CTNND2: variants seen among roughly 807,000 people sequenced by gnomAD.
CTNND2 encodes the protein catenin delta 2, also known as catenin delta-2.
Under a neutral mutation model 144.4 loss-of-function variants are expected in CTNND2, and 22 were observed. That is an observed-to-expected ratio of 0.15 (90% confidence interval 0.11 to 0.22). CTNND2 has a LOEUF of 0.22. Ranked by LOEUF, CTNND2 falls within the 10% of genes least tolerant of loss-of-function variation. CTNND2 has a pLI of 1.00. For synonymous variants in CTNND2, 751 were observed against 695.6 expected (o/e 1.08, Z -1.25); for missense variants, 1,353 against 1,618.8 (o/e 0.84, Z 2.82).
At chr5:10,983,344 T>C (rs1325363716) in intron 20 of CTNND2, among the ~76,000 whole-genome samples, 3 of 152,150 alleles carry the variant, frequency 2.0e-5, no homozygotes, top group African/African-American at 4.8e-5. Flanking sequence ...CAGTGGGGTA[T>C]AAAACACTCT....
intron 2 of CTNND2, among the ~76,000 whole-genome samples, chr5:11,594,612 CATT>C (rs1054109722): frequency 6.6e-6 from 1 of 152,114 alleles, no homozygotes; most frequent in Non-Finnish European, 1.5e-5. Context: ...GCTGTGGTAT[CATT>C]AACTTTAAAA....
At chr5:11,440,996 G>A (rs1764210563) in intron 3 of CTNND2, among the ~76,000 whole-genome samples, 1 of 152,194 alleles carries the variant, frequency 6.6e-6, no homozygotes, top group African/African-American at 2.4e-5. Context: ...GATATTCATA[G>A]TTGCAGAAAG....
chr5:11,167,266 C>T (rs370353537), intron 11 of CTNND2, among the ~76,000 whole-genome samples: 1 of 152,218 alleles, frequency 6.6e-6, no homozygotes, highest in Non-Finnish European at 1.5e-5. Context: ...ACAGTTGCCA[C>T]ATAACGCTTC....
intron 11 of CTNND2, among the ~76,000 whole-genome samples, chr5:11,164,409 C>T (rs1273071674): frequency 6.6e-6 from 1 of 152,162 alleles, no homozygotes; most frequent in Non-Finnish European, 1.5e-5. Context: ...CATGATCAGG[C>T]CTTTCTCTAA....
intron 13 of CTNND2, among the ~76,000 whole-genome samples, chr5:11,112,512 C>T (rs561967163): frequency 6.6e-6 from 1 of 152,218 alleles, no homozygotes; most frequent in Non-Finnish European, 1.5e-5. Context: ...GTGAGACCCA[C>T]TTCAGACTGC....
intron 1 of CTNND2, among the ~76,000 whole-genome samples, chr5:11,809,638 T>C (rs974174735): frequency 2.6e-5 from 4 of 152,294 alleles, no homozygotes; most frequent in South Asian, 4.1e-4. Flanking sequence ...CGCCAAATAT[T>C]GATTTATCAC....
At chr5:11,252,403 A>G (rs1414205852) in intron 9 of CTNND2, among the ~76,000 whole-genome samples, 1 of 152,196 alleles carries the variant, frequency 6.6e-6, no homozygotes, top group Non-Finnish European at 1.5e-5. Context: ...TTCTATGTCT[A>G]TAGACAACTA....
At chr5:11,308,082 C>G (rs1191572821) in intron 9 of CTNND2, among the ~76,000 whole-genome samples, 1 of 152,214 alleles carries the variant, frequency 6.6e-6, no homozygotes, top group Non-Finnish European at 1.5e-5. Context: ...GACTTCCCAG[C>G]CTCCAGAACT....
intron 1 of CTNND2, among the ~76,000 whole-genome samples, chr5:11,895,336 T>C (rs1338595357): frequency 1.3e-5 from 2 of 152,214 alleles, no homozygotes; most frequent in Non-Finnish European, 2.9e-5. Context: ...ATGTGTGTTG[T>C]AATAGTGAAT....
At chr5:11,410,418 T>C (rs953747645) in intron 5 of CTNND2, among the ~76,000 whole-genome samples, 5 of 152,208 alleles carry the variant, frequency 3.3e-5, no homozygotes, top group African/African-American at 1.2e-4. Flanking sequence ...TCCTTATGTC[T>C]TCCTTTTGCA....
chr5:11,057,017 T>C (rs995815865), intron 16 of CTNND2, among the ~76,000 whole-genome samples: 2 of 152,192 alleles, frequency 1.3e-5, no homozygotes, highest in African/African-American at 4.8e-5. Flanking sequence ...TTGTGCTGCA[T>C]TGGTGTGACA....
chr5:11,208,088 C>T (rs966959029), intron 10 of CTNND2, among the ~76,000 whole-genome samples: 1 of 152,104 alleles, frequency 6.6e-6, no homozygotes, highest in South Asian at 2.1e-4. Context: ...AGAATATTAA[C>T]AGAAAATTAT....
At chr5:10,999,915 C>T (rs1032861405) in intron 18 of CTNND2, among the ~76,000 whole-genome samples, 2 of 152,326 alleles carry the variant, frequency 1.3e-5, no homozygotes, top group South Asian at 2.1e-4. Flanking sequence ...ATCGTCCATA[C>T]GGGCATTTCC....
chr5:11,875,558 G>A (rs540567996), intron 1 of CTNND2, among the ~76,000 whole-genome samples: 1 of 152,256 alleles, frequency 6.6e-6, no homozygotes, highest in South Asian at 2.1e-4. Context: ...ATTCAGATGA[G>A]GTCGTGAGGG....
intron 9 of CTNND2, among the ~76,000 whole-genome samples, chr5:11,328,574 G>A (rs1227689854): frequency 1.3e-5 from 2 of 152,096 alleles, no homozygotes; most frequent in African/African-American, 4.8e-5. Flanking sequence ...AAAGTGCTAG[G>A]ATTTTACAGG....
chr5:11,350,156 C>T (rs915737977), intron 8 of CTNND2, among the ~76,000 whole-genome samples: 1 of 152,074 alleles, frequency 6.6e-6, no homozygotes, highest in African/African-American at 2.4e-5. Flanking sequence ...AAAAAATTTA[C>T]ACTGTTTCTA....
intron 2 of CTNND2, among the ~76,000 whole-genome samples, chr5:11,600,077 A>T (rs576461867): frequency 6.6e-6 from 1 of 152,320 alleles, no homozygotes; most frequent in African/African-American, 2.4e-5. Context: ...TATGATTAAA[A>T]TATGTGACTT....
chr5:11,376,428 A>C (rs569992941), intron 7 of CTNND2, among the ~76,000 whole-genome samples: 1 of 151,614 alleles, frequency 6.6e-6, no homozygotes, highest in South Asian at 2.1e-4. Context: ...TTTTCATGCC[A>C]CTAACTCTTT....
chr5:11,509,085 G>A (rs920928094), intron 3 of CTNND2, among the ~76,000 whole-genome samples: 4 of 152,090 alleles, frequency 2.6e-5, no homozygotes, highest in African/African-American at 9.7e-5. Flanking sequence ...TGATACTTTT[G>A]AATTTTGTAA....
Sources: gnomAD v4.1 joint callset for allele counts (sites outside exome capture counted in the v4.1 genomes callset) on GRCh38, gnomAD v4.1.1 for gene constraint, MANE v1.5 for transcripts, NCBI Gene and HGNC (gene_info 2026-07-23, HGNC 2026-07-21) for gene names.